STPG2: variants seen among roughly 807,000 people sequenced by gnomAD.
STPG2 encodes sperm-tail PG-rich repeat-containing protein 2.
In STPG2, 56 loss-of-function variants were observed where a neutral mutation model predicts 54.2. The ratio of observed to expected loss-of-function variants is 1.03; its 90% CI spans 0.83 to 1.29. The LOEUF is 1.29. STPG2 is among the 50% of genes most tolerant of loss of function. The probability of loss-of-function intolerance (pLI) is 0.00; values close to 1 mark genes in which losing one functional copy is unlikely to be tolerated. For missense variants in STPG2, 596 were observed against 544.9 expected (o/e 1.09, Z -0.93); for synonymous variants, 200 against 181.8 (o/e 1.10, Z -0.81).
At chr4:97,724,910 C>G (rs966036235) in intron 9 of STPG2, among the ~76,000 whole-genome samples, 2 of 151,990 alleles carry the variant, frequency 1.3e-5, no homozygotes, top group African/African-American at 4.8e-5. Flanking sequence ...TTATGCAGGT[C>G]TTTATTCAAG....
chr4:97,713,873 T>C (rs1724208299), intron 9 of STPG2, among the ~76,000 whole-genome samples: 1 of 152,178 alleles, frequency 6.6e-6, no homozygotes, highest in South Asian at 2.1e-4. Context: ...TAAACAATAC[T>C]ATTGAGTGTC....
chr4:97,888,614 C>T (rs1464547115), intron 8 of STPG2, among the ~76,000 whole-genome samples: 2 of 152,228 alleles, frequency 1.3e-5, no homozygotes, highest in Non-Finnish European at 1.5e-5. Context: ...AGGCAGAACA[C>T]ACTGCCTTGT....
intron 9 of STPG2, among the ~76,000 whole-genome samples, chr4:97,836,381 A>G (rs1256959398): frequency 6.6e-6 from 1 of 151,942 alleles, no homozygotes. Flanking sequence ...TTTTTTTAGC[A>G]ATTCAGTATT....
chr4:98,010,145 T>C (rs1326908632), intron 5 of STPG2, among the ~76,000 whole-genome samples: 2 of 152,042 alleles, frequency 1.3e-5, no homozygotes, highest in African/African-American at 2.4e-5. Flanking sequence ...CTACTAACTT[T>C]TGGTTTTTTT....
chr4:97,722,964 A>ATTTTTTT (rs3974903), intron 9 of STPG2, among the ~76,000 whole-genome samples: 3 of 116,366 alleles, frequency 2.6e-5, no homozygotes, highest in Non-Finnish European at 5.2e-5. Flanking sequence ...CACCCGGCTA[A>ATTTTTTT]TTTTTTTTTT....
intron 9 of STPG2, among the ~76,000 whole-genome samples, chr4:97,802,280 A>G (rs995551009): frequency 1.3e-5 from 2 of 152,148 alleles, no homozygotes; most frequent in African/African-American, 4.8e-5. Context: ...AATTACTTTC[A>G]AAACATATTC....
chr4:98,108,967 C>T (rs886477168), intron 4 of STPG2, among the ~76,000 whole-genome samples: 5 of 152,072 alleles, frequency 3.3e-5, no homozygotes, highest in African/African-American at 1.2e-4. Flanking sequence ...CACTATGGCA[C>T]ATGTATACCC....
chr4:97,946,265 G>C (rs1314840551), intron 7 of STPG2, among the ~76,000 whole-genome samples: 2 of 152,002 alleles, frequency 1.3e-5, no homozygotes, highest in Non-Finnish European at 2.9e-5. Flanking sequence ...TTGCTGGTTT[G>C]TTTGAGTTCC....
At chr4:97,464,710 G>T (rs1170664986) in intron 4 of STPG2, among the ~76,000 whole-genome samples, 10 of 152,026 alleles carry the variant, frequency 6.6e-5, no homozygotes, top group Admixed American at 6.6e-4. Context: ...CCTGTCACTG[G>T]TACTTGCCTG....
intron 10 of STPG2, among the ~76,000 whole-genome samples, chr4:97,655,473 G>T (rs1722195288): frequency 6.6e-6 from 1 of 152,022 alleles, no homozygotes; most frequent in Non-Finnish European, 1.5e-5. Flanking sequence ...TTAAACAAAA[G>T]TAGAACTTTT....
intron 9 of STPG2, among the ~76,000 whole-genome samples, chr4:97,780,041 G>T (rs1219375236): frequency 6.8e-6 from 1 of 147,180 alleles, no homozygotes; most frequent in Non-Finnish European, 1.5e-5. Context: ...AAAATAACCA[G>T]CTAACATCAG....
At chr4:98,034,138 A>G (rs1232490354) in intron 5 of STPG2, among the ~76,000 whole-genome samples, 2 of 152,170 alleles carry the variant, frequency 1.3e-5, no homozygotes, top group East Asian at 1.9e-4. Context: ...ACGGTATTCA[A>G]TTAGGAAAAG....
intron 10 of STPG2, among the ~76,000 whole-genome samples, chr4:97,571,468 C>A (rs916396944): frequency 2.0e-5 from 3 of 152,126 alleles, no homozygotes; most frequent in Admixed American, 1.3e-4. Context: ...GAACATTTTA[C>A]AACCTATTCT....
intron 4 of STPG2, among the ~76,000 whole-genome samples, chr4:97,464,053 T>C (rs752086699): frequency 4.6e-5 from 7 of 152,192 alleles, no homozygotes; most frequent in Non-Finnish European, 1.0e-4. Context: ...TTGGCAATTT[T>C]GCATAAAGCT....
chr4:97,915,211 G>T (rs755783917), intron 8 of STPG2, among the ~76,000 whole-genome samples: 9 of 152,120 alleles, frequency 5.9e-5, no homozygotes, highest in African/African-American at 1.7e-4. Flanking sequence ...GGGTAAATCA[G>T]ACATGGTGCC....
At chr4:98,013,413 T>A (rs1425363236) in intron 5 of STPG2, among the ~76,000 whole-genome samples, 2 of 152,122 alleles carry the variant, frequency 1.3e-5, no homozygotes, top group African/African-American at 4.8e-5. Context: ...GTTTTCTTTT[T>A]TGTTGTGTCT....
intron 8 of STPG2, 74 bp from the exon 9 acceptor site, chr4:97,841,006 G>C: frequency 1.4e-6 from 2 of 1,418,504 alleles, no homozygotes; most frequent in South Asian, 1.4e-5. Context: ...CAGATGGATG[G>C]TTACAGTAAG....
At chr4:97,542,361 T>G (rs933028381) in intron 4 of STPG2, among the ~76,000 whole-genome samples, 1 of 152,088 alleles carries the variant, frequency 6.6e-6, no homozygotes, top group Non-Finnish European at 1.5e-5. Flanking sequence ...AACAGACACA[T>G]GAAAAAATGC....
At chr4:98,007,479 G>C (rs1046524545) in intron 5 of STPG2, among the ~76,000 whole-genome samples, 9 of 152,104 alleles carry the variant, frequency 5.9e-5, no homozygotes, top group Non-Finnish European at 1.3e-4. Flanking sequence ...CAATGGAAGT[G>C]AATTCAAAAA....
Sources: gnomAD v4.1 joint callset for allele counts (sites outside exome capture counted in the v4.1 genomes callset) on GRCh38, gnomAD v4.1.1 for gene constraint, MANE v1.5 for transcripts, NCBI Gene and HGNC (gene_info 2026-07-23, HGNC 2026-07-21) for gene names.